The following SINHCAF variants were observed in gnomAD, a reference collection of about 807,000 sequenced individuals.
The protein encoded by SINHCAF is SIN3-HDAC complex-associated factor.
In SINHCAF, 3 loss-of-function variants were observed where a neutral mutation model predicts 25.8. The observed-to-expected ratio is 0.12, with a 90% CI of 0.05 to 0.30. SINHCAF has a LOEUF of 0.30. Ranked by LOEUF, SINHCAF falls within the 10% of genes least tolerant of loss-of-function variation. The pLI is 1.00. For synonymous variants in SINHCAF, 70 were observed against 85.5 expected, an observed-to-expected ratio of 0.82 and a Z score of 1.00; for missense variants, 121 against 262.3, an observed-to-expected ratio of 0.46 and a Z score of 3.72.
chr12:31,320,099 T>A (rs926653435), intron 1 of SINHCAF, among the ~76,000 whole-genome samples: 2 of 152,354 alleles, frequency 1.3e-5, no homozygotes, highest in African/African-American at 4.8e-5. Context: ...CTGACTTCCC[T>A]ACATCCTTTA....
At chr12:31,309,414 A>G (rs1482390571) in intron 1 of SINHCAF, among the ~76,000 whole-genome samples, 1 of 152,188 alleles carries the variant, frequency 6.6e-6, no homozygotes, top group African/African-American at 2.4e-5. Flanking sequence ...TTTTACGTTA[A>G]GCAAGGGATT....
At chr12:31,286,288 T>C (rs886532648) in intron 5 of SINHCAF, among the ~76,000 whole-genome samples, 1 of 152,200 alleles carries the variant, frequency 6.6e-6, no homozygotes, top group African/African-American at 2.4e-5. Context: ...AAACTTTTTT[T>C]TTTTTAAACC....
chr12:31,316,445 CTT>C (rs998472547), intron 1 of SINHCAF, among the ~76,000 whole-genome samples: 12 of 152,068 alleles, frequency 7.9e-5, no homozygotes, highest in Admixed American at 5.2e-4. Flanking sequence ...ATGAATCTAA[CTT>C]AATGAATCTA....
chr12:31,298,069 G>C lies in SINHCAF; in HGVS notation c.128+8C>G, dbSNP rs1938619073. The stretch of plus-strand genomic sequence containing the variant: ...TCTAAGAATAGTACAAACATCAGGT[G>C]ATCTTACCCAAAACAGCTCTGGAAG... On this transcript the variant is annotated splice_region_variant and intron_variant, in intron 2 of 5. Transcript: ENST00000337682. 1.2e-6 allele frequency: 2 copies of C among 1,613,136 alleles called. No homozygotes were observed. The highest frequency in any genetic ancestry group is 1.7e-5 in the Admixed American group (1 of 59,978).
At chr12:31,286,593 G>A (rs12826744) in intron 5 of SINHCAF, among the ~76,000 whole-genome samples, 1,702 of 151,280 alleles carry the variant, frequency 0.011, 14 homozygotes, top group South Asian at 0.025. Flanking sequence ...AACCCGGGAG[G>A]CAGAGGCTGC....
At chr12:31,306,225 C>T (rs2137111053) in intron 1 of SINHCAF, among the ~76,000 whole-genome samples, 1 of 152,230 alleles carries the variant, frequency 6.6e-6, no homozygotes, top group South Asian at 2.1e-4. Context: ...TAAAATCAAG[C>T]TGCCACATCT....
intron 1 of SINHCAF, 36 bp from the exon 2 acceptor site, chr12:31,298,260 G>A: frequency 6.2e-7 from 1 of 1,609,020 alleles, no homozygotes; most frequent in Non-Finnish European, 8.5e-7. Context: ...TCTTTGTTGA[G>A]GGCTGTAACA....
In SINHCAF at chr12:31,325,350, C is replaced by G. The variant is rs1220205972; in HGVS notation, c.-21+674G>C. ...CGACCGCGTGTTGCTCTCATTGTCG[C>G]ATCCGCATCCCTCCGGAGTTGAGCA... On this transcript the variant is annotated intron_variant, in intron 1 of 5. Transcript: ENST00000337682. The surrounding 1 kb of genome is among the most constrained non-coding windows in gnomAD (Gnocchi z 5.9). The G allele has an allele frequency of 7.3e-6, 3 of 413,730 alleles. No individual in the cohort carries two copies. Among genetic ancestry groups the G allele is most frequent in the African/African-American group, 6.1e-5 (3 of 48,868 alleles). The allele number at this position is 413,730 out of a possible 1,614,324, so 25.6% of individuals were successfully genotyped here. A position where few individuals can be genotyped will look rare whatever the true frequency, so the allele number is the denominator to read the frequency against.
chr12:31,297,223 T>C (rs12228083), intron 2 of SINHCAF, among the ~76,000 whole-genome samples: 27,254 of 152,164 alleles, frequency 0.18, 2,638 homozygotes, highest in Admixed American at 0.26. Flanking sequence ...ATTTTTATTT[T>C]AGTATCTTCA....
Position 31,282,675 on chromosome 12 carries a change from T to A in SINHCAF, c.*37A>T, listed in dbSNP as rs761147172. On this transcript the variant is annotated 3_prime_UTR_variant, in exon 6 of 6. Transcript: ENST00000337682. ...TTTGTGGTTTTTCAAAATTCAGATA[T>A]TTTTTTTTTTGTTCCCCTTCTACAT... 3.3e-6 allele frequency: 2 copies of A among 614,854 alleles called. No individual in the cohort carries two copies. The highest frequency in any genetic ancestry group is 4.3e-5 in the African/African-American group (2 of 46,148). The allele number at this position is 614,854 out of a possible 1,614,324, so 38.1% of individuals were successfully genotyped here.
intron 4 of SINHCAF, 139 bp from the exon 5 acceptor site, chr12:31,287,923 A>G (rs1489671559): frequency 1.9e-6 from 1 of 526,214 alleles, no homozygotes; most frequent in African/African-American, 1.9e-5. Context: ...TGCACTACTG[A>G]TATTTGAAGA....
rs1937780486 is a variant in SINHCAF, at chr12:31,281,339, C to T, written c.*1373G>A. 6.6e-6 allele frequency: 1 copy of T among 152,192 alleles called. No individual in the cohort carries two copies. Among genetic ancestry groups the T allele is most frequent in the African/African-American group, 2.4e-5 (1 of 41,440 alleles). The allele number at this position is 152,192 out of a possible 1,614,324, so 9.4% of individuals were successfully genotyped here. ...TGACTAAAAGAAGCCAAACCAAAACCATTTAATGTGAACACAAACCTCTTT... is the reference window on the plus strand; with the variant it reads ...TGACTAAAAGAAGCCAAACCAAAACTATTTAATGTGAACACAAACCTCTTT... On this transcript the variant is annotated 3_prime_UTR_variant, in exon 6 of 6. Coordinates refer to ENST00000337682, the MANE Select transcript of SINHCAF (RefSeq NM_001135812.2).
chr12:31,314,735 C>A (rs1939432522), intron 1 of SINHCAF, among the ~76,000 whole-genome samples: 1 of 152,194 alleles, frequency 6.6e-6, no homozygotes, highest in South Asian at 2.1e-4. Context: ...GAAGTAGTTT[C>A]CCCATTCTGG....
rs564836113 is a variant in SINHCAF at position 31,283,621 on chromosome 12, G to A, written c.507-750C>T. Among the ~76,000 whole-genome samples, 7 of 151,850 alleles carry A rather than the reference G, an allele frequency of 4.6e-5. No homozygotes were observed. In the South Asian group the frequency reaches 1.5e-3, roughly 32 times the overall value. ...CTGTCTCAAAAAAAAACAAAAAAGGGTGTGTGTTAGCAAAGGCATCAAAAA... is the reference window on the plus strand; with the variant it reads ...CTGTCTCAAAAAAAAACAAAAAAGGATGTGTGTTAGCAAAGGCATCAAAAA... On this transcript the variant is annotated intron_variant, in intron 5 of 5. Coordinates refer to ENST00000337682, the MANE Select transcript of SINHCAF (RefSeq NM_001135812.2).
intron 1 of SINHCAF, among the ~76,000 whole-genome samples, chr12:31,310,725 A>G (rs1939232151): frequency 6.6e-6 from 1 of 152,154 alleles, no homozygotes; most frequent in South Asian, 2.1e-4. Flanking sequence ...GGGAAATTTT[A>G]ATAATATGTC....
chr12:31,287,499 C>A, intron 5 of SINHCAF, 135 bp downstream of exon 5: 1 of 547,498 alleles, frequency 1.8e-6, no homozygotes, highest in Non-Finnish European at 3.0e-6. Flanking sequence ...CTTCCCTGCT[C>A]AATTCCTGCT....
chr12:31,297,534 G>A (rs879696165), intron 2 of SINHCAF, among the ~76,000 whole-genome samples: 4 of 142,424 alleles, frequency 2.8e-5, no homozygotes, highest in African/African-American at 7.9e-5. Flanking sequence ...GTGCAGTGGC[G>A]TGATCTCGGC....
chr12:31,288,736 T>C (rs1167278821), intron 4 of SINHCAF, among the ~76,000 whole-genome samples: 7 of 152,136 alleles, frequency 4.6e-5, no homozygotes, highest in African/African-American at 1.7e-4. Context: ...TCTCACAACA[T>C]AATCTGAAAA....
intron 1 of SINHCAF, among the ~76,000 whole-genome samples, chr12:31,312,268 A>T (rs1354795446): frequency 1.3e-5 from 2 of 152,180 alleles, no homozygotes; most frequent in Non-Finnish European, 2.9e-5. Flanking sequence ...GTGTGACAGC[A>T]TATCCATTCT....
Sources: gnomAD v4.1 joint callset for allele counts (sites outside exome capture counted in the v4.1 genomes callset) on GRCh38, gnomAD v4.1.1 for gene constraint, Gnocchi (gnomAD v3.1) non-coding constraint, MANE v1.5 for transcripts, NCBI Gene and HGNC (gene_info 2026-07-23, HGNC 2026-07-21) for gene names.